Variants in RYR1 observed in about 807,000 individuals in gnomAD.
RYR1 encodes the protein central core disease of muscle.
RYR1 carries 342 observed loss-of-function variants against 583.5 expected under a neutral mutation model. The ratio of observed to expected loss-of-function variants is 0.59; its 90% CI spans 0.54 to 0.64. The LOEUF (loss-of-function observed/expected upper bound fraction) is 0.64, where lower values mean the gene tolerates loss of function less well. RYR1 is among the 30% of genes least tolerant of loss of function. The pLI is 0.00. For synonymous variants in RYR1, 2,791 were observed against 2,822.5 expected, an observed-to-expected ratio of 0.99 and a Z score of 0.35; for missense variants, 6,032 against 6,917.2, an observed-to-expected ratio of 0.87 and a Z score of 4.54.
intron 1 of RYR1, among the ~76,000 whole-genome samples, chr19:38,438,383 C>T (rs1030444108): frequency 5.4e-5 from 4 of 74,086 alleles, no homozygotes; most frequent in Non-Finnish European, 7.2e-5. Context: ...CCCTGAGGGC[C>T]GTGATTTTTT....
chr19:38,506,581 G>A (rs779952232), intron 56 of RYR1, 35 bp downstream of exon 56: 3 of 1,610,578 alleles, frequency 1.9e-6, no homozygotes, highest in South Asian at 2.2e-5. Flanking sequence ...CGCTACCCCC[G>A]TGGATTCACC....
Position 38,483,052 on chromosome 19 carries a change from C to T in RYR1, c.4646C>T (p.Pro1549Leu). The T allele has an allele frequency of 1.2e-6, 2 of 1,614,172 alleles. No individual in the cohort carries two copies. Among genetic ancestry groups the T allele is most frequent in the Non-Finnish European group, 1.7e-6 (2 of 1,180,022 alleles). The change falls in exon 32 of 106, where the codon CCT (proline) becomes CTT (leucine). Residue 1549 changes from proline to leucine, a missense_variant. Coordinates refer to ENST00000359596, the MANE Select transcript of RYR1 (RefSeq NM_000540.3). This position sits in a 1 kb window ranked among gnomAD's most constrained non-coding sequence, Gnocchi z 6.3. The stretch of plus-strand genomic sequence containing the variant: ...GTGGAACCCAACACTAAGCTATTTC[C>T]TGCCGTCTTCGTCCTGCCCACCCAC... ...FQVEPNTKLF[P>L]AVFVLPTHQN...
chr19:38,468,078 A>G (rs1427111100), intron 25 of RYR1, among the ~76,000 whole-genome samples: 1 of 132,446 alleles, frequency 7.6e-6, no homozygotes, highest in Admixed American at 8.1e-5. Flanking sequence ...CCATCCATCC[A>G]TCCATCCATC....
At chr19:38,493,459 G>A (rs930964182) in intron 38 of RYR1, among the ~76,000 whole-genome samples, 8 of 151,910 alleles carry the variant, frequency 5.3e-5, no homozygotes, top group Non-Finnish European at 1.0e-4. Context: ...AAATACAGCC[G>A]AGGGGGGAAA....
chr19:38,574,455 GA>G (rs199854545), intron 96 of RYR1, among the ~76,000 whole-genome samples: 7 of 147,528 alleles, frequency 4.7e-5, no homozygotes, highest in Non-Finnish European at 9.0e-5. Flanking sequence ...TATATCTTTA[GA>G]AAAAAAAAAC....
At chr19:38,492,936 G>A (rs534098017) in intron 38 of RYR1, among the ~76,000 whole-genome samples, 11 of 152,106 alleles carry the variant, frequency 7.2e-5, no homozygotes, top group African/African-American at 7.2e-5. Context: ...TGGGTGTGGC[G>A]GTGCATGCCT....
chr19:38,487,428 A>C (rs1167477439), intron 34 of RYR1, among the ~76,000 whole-genome samples: 1 of 150,368 alleles, frequency 6.7e-6, no homozygotes, highest in African/African-American at 2.5e-5. Context: ...ATCTCAAATC[A>C]CTGCAACCTC....
chr19:38,502,816 CAGGGGCAGG>C, intron 48 of RYR1, 55 bp from the exon 49 acceptor site: 14 of 1,309,942 alleles, frequency 1.1e-5, no homozygotes, highest in East Asian at 8.1e-5. Flanking sequence ...GGGGGAGGAG[CAGGGGCAGG>C]GGCAGCAGAG....
At chr19:38,517,288 C>T (rs948196092) in intron 65 of RYR1, 71 bp from the exon 66 acceptor site, 27 of 1,479,998 alleles carry the variant, frequency 1.8e-5, no homozygotes, top group African/African-American at 5.6e-5. Context: ...TGATGTATTG[C>T]GGGGGAGGCC....
At position 38,496,389 on chromosome 19, in the gene RYR1, G is replaced by T; in HGVS notation, c.6664-20G>T. The T allele has an allele frequency of 6.2e-7, 1 of 1,613,774 alleles. No individual in the cohort carries two copies. Among genetic ancestry groups the T allele is most frequent in the South Asian group, 1.1e-5 (1 of 91,078 alleles). On this transcript the variant is annotated intron_variant, in intron 40 of 105. Transcript: ENST00000359596. This position sits in a 1 kb window ranked among gnomAD's most constrained non-coding sequence, Gnocchi z 4.8. ...GAGGCAGCCACAGAGGGCAGGCCCT[G>T]ACCACCCTGCCTGTCCCAGGAGATC...
intron 88 of RYR1, among the ~76,000 whole-genome samples, chr19:38,547,540 G>T (rs1427826862): frequency 6.6e-6 from 1 of 151,822 alleles, no homozygotes; most frequent in Non-Finnish European, 1.5e-5. Flanking sequence ...AAGCCCTGAG[G>T]TCATGCAGCT....
At position 38,546,496 on chromosome 19, in the gene RYR1, A is replaced by G. The variant is rs773040531; in HGVS notation, c.12064A>G (p.Met4022Val). 6 of 1,613,684 alleles carry G rather than the reference A, an allele frequency of 3.7e-6. No homozygotes were observed. In the East Asian group the frequency reaches 1.1e-4, roughly 30 times the overall value. The change falls in exon 88 of 106, where the codon ATG (methionine) becomes GTG (valine). Residue 4022 changes from methionine to valine, a missense_variant. By Grantham distance (21) the Met-to-Val change is conservative (BLOSUM62 1). Around this residue, in one of 11 missense-constraint regions of RYR1, gnomAD observed 82 missense variants for 139.7 expected, o/e 0.59. Coordinates refer to ENST00000359596, the MANE Select transcript of RYR1 (RefSeq NM_000540.3). ...GGAGCTGCTGGATCTGCAGAAGGAC[A>G]TGGTGGTGATGTTGCTGTCGCTACT... ...LKELLDLQKDMVVMLLSLLEG... is the reference protein window; with the variant it reads ...LKELLDLQKDVVVMLLSLLEG...
chr19:38,559,823 A>G (rs1234406994), intron 89 of RYR1, among the ~76,000 whole-genome samples: 3 of 152,184 alleles, frequency 2.0e-5, no homozygotes, highest in Non-Finnish European at 4.4e-5. Flanking sequence ...AGGTAATGAA[A>G]TTAATTTAGC....
intron 97 of RYR1, among the ~76,000 whole-genome samples, chr19:38,577,060 A>G (rs1422857366): frequency 6.6e-6 from 1 of 151,790 alleles, no homozygotes; most frequent in Non-Finnish European, 1.5e-5. Context: ...TAATTTTTGT[A>G]TTTTTAGTAG....
chr19:38,570,671 A>G lies in RYR1; in HGVS notation c.13724A>G (p.Asn4575Ser), dbSNP rs1568591803. The change falls in exon 94 of 106, where the codon AAC becomes AGC. Residue 4575 changes from asparagine (N) to serine (S), a missense_variant. Physicochemically the swap from Asn to Ser is conservative, Grantham distance 46 (BLOSUM62 1). This residue lies in a region of RYR1 where 35 missense variants were observed against 66.0 expected (regional missense o/e 0.53). Transcript: ENST00000359596. ...GCCCTCTTCTTGGCATTTGCCATCA[A>G]CTTCATCTTGCTGTTTTATAAGGTG... ...FLALFLAFAI[N>S]FILLFYKVSD... The G allele has an allele frequency of 6.2e-7, 1 of 1,613,804 alleles. No homozygotes were observed. Among genetic ancestry groups the G allele is most frequent in the Non-Finnish European group, 8.5e-7 (1 of 1,179,944 alleles).
intron 97 of RYR1, 133 bp downstream of exon 97, chr19:38,576,094 A>T (rs915910319): frequency 1.1e-6 from 1 of 943,384 alleles, no homozygotes; most frequent in Non-Finnish European, 1.7e-6. Flanking sequence ...GTAGCACCTC[A>T]GTTTCCCCAT....
rs200355885 is a variant in RYR1 at position 38,519,243 on chromosome 19, C to A, written c.10048C>A (p.Arg3350=). Residue 3350 remains arginine, a synonymous_variant, in exon 67 of 106, where the codon CGG becomes AGG. Coordinates refer to ENST00000359596, the MANE Select transcript of RYR1 (RefSeq NM_000540.3). ...CGCACAGCCCATTGTGAGCCGTGCA[C>A]GGCCGGAGCTCCTGCAGTCCCACTT... ...VFAQPIVSRA[R]PELLQSHFIP... 1.4e-4 allele frequency: 218 copies of A among 1,614,122 alleles called. No homozygotes were observed. The highest frequency in any genetic ancestry group is 1.7e-4 in the Non-Finnish European group (195 of 1,180,010).
At chr19:38,572,542 T>C (rs2145871650) in intron 95 of RYR1, among the ~76,000 whole-genome samples, 1 of 152,284 alleles carries the variant, frequency 6.6e-6, no homozygotes, top group Non-Finnish European at 1.5e-5. Flanking sequence ...ACTTTGCTAT[T>C]GAACTAGAGT....
intron 10 of RYR1, 68 bp from the exon 11 acceptor site, chr19:38,448,581 C>A (rs1966911979): frequency 6.2e-7 from 1 of 1,614,076 alleles, no homozygotes; most frequent in Admixed American, 1.7e-5. Flanking sequence ...ACTCTGCAGT[C>A]CCTCAGGGGG....
Sources: allele counts gnomAD v4.1 joint callset (sites outside exome capture counted in the v4.1 genomes callset), GRCh38; gene constraint gnomAD v4.1.1; regional missense constraint gnomAD v4.1.1; non-coding constraint Gnocchi (gnomAD v3.1); transcripts MANE v1.5; gene names NCBI Gene and HGNC (gene_info 2026-07-23, HGNC 2026-07-21).